Variants in SBF2 observed in about 807,000 individuals in gnomAD.
SBF2 encodes myotubularin-related protein 13.
SBF2 carries 112 observed loss-of-function variants against 225.2 expected under a neutral mutation model. The ratio of observed to expected loss-of-function variants is 0.50; its 90% CI spans 0.43 to 0.58. The LOEUF is 0.58. Ranked by LOEUF, SBF2 falls within the 20% of genes least tolerant of loss-of-function variation. The probability of loss-of-function intolerance (pLI) is 0.00; values close to 1 mark genes in which losing one functional copy is unlikely to be tolerated. For synonymous variants in SBF2, 763 were observed against 773.3 expected (o/e 0.99, Z 0.22); for missense variants, 1,996 against 2,206.2 (o/e 0.90, Z 1.91).
chr11:9,789,591 T>A (rs1852608091), intron 34 of SBF2, among the ~76,000 whole-genome samples: 1 of 152,222 alleles, frequency 6.6e-6, no homozygotes, highest in Admixed American at 6.5e-5. Flanking sequence ...CAATAGAGAA[T>A]TCTTGGATTC....
At chr11:10,065,925 C>A (rs1026307064) in intron 2 of SBF2, among the ~76,000 whole-genome samples, 13 of 152,120 alleles carry the variant, frequency 8.5e-5, no homozygotes, top group Admixed American at 5.2e-4. Context: ...CCAGCCTGGG[C>A]AAGAAGAACA....
intron 2 of SBF2, among the ~76,000 whole-genome samples, chr11:10,144,190 TA>T (rs1484643248): frequency 6.6e-6 from 1 of 152,110 alleles, no homozygotes; most frequent in Non-Finnish European, 1.5e-5. Context: ...TATTTAGAAA[TA>T]AAAATTACAT....
intron 16 of SBF2, among the ~76,000 whole-genome samples, chr11:9,950,283 C>T (rs66922162): frequency 0.37 from 56,680 of 151,908 alleles, 11,427 homozygotes; most frequent in Middle Eastern, 0.5. Context: ...TGTTTGATGG[C>T]ACACTGTATG....
chr11:9,835,807 T>C (rs1855702297), intron 26 of SBF2, among the ~76,000 whole-genome samples: 1 of 152,162 alleles, frequency 6.6e-6, no homozygotes, highest in Non-Finnish European at 1.5e-5. Context: ...GTGTAGTTTG[T>C]TCATTTTCAT....
chr11:9,871,469 G>C (rs1024041907), intron 17 of SBF2, among the ~76,000 whole-genome samples: 1 of 60,436 alleles, frequency 1.7e-5, no homozygotes, highest in African/African-American at 5.3e-5. Flanking sequence ...ACAGGATGAC[G>C]CTTATTATTA....
chr11:10,006,883 A>G (rs1948218772), intron 6 of SBF2, among the ~76,000 whole-genome samples: 1 of 152,220 alleles, frequency 6.6e-6, no homozygotes, highest in African/African-American at 2.4e-5. Flanking sequence ...GGAAATGGGA[A>G]TCTGAGAAAA....
Position 9,873,813 on chromosome 11 carries a change from C to T in SBF2, c.1930-15417G>A, listed in dbSNP as rs187982814. The stretch of plus-strand genomic sequence containing the variant: ...CCTGTAATCCCAGCACTTTGGGAGG[C>T]CGAGGCGGGTGGATCACCTGAGGTC... On this transcript the variant is annotated intron_variant, in intron 17 of 39. Transcript: ENST00000256190. Among the ~76,000 whole-genome samples the T allele has an allele frequency of 2.3e-4, 35 of 152,306 alleles. No homozygotes were observed. The East Asian group carries it at 4.2e-3, about 18-fold the overall frequency.
chr11:10,300,482 A>G (rs187759281), intron 1 of SBF2, among the ~76,000 whole-genome samples: 26 of 152,072 alleles, frequency 1.7e-4, no homozygotes, highest in African/African-American at 6.0e-4. Flanking sequence ...CGTGGGCAAC[A>G]TGATGAAACC....
chr11:9,959,627 C>T, intron 16 of SBF2: 1 of 757,872 alleles, frequency 1.3e-6, no homozygotes, highest in South Asian at 1.4e-5. Context: ...CAAAATTCTA[C>T]TCAGGTAACT....
rs193063842 is a variant in SBF2 at position 9,933,450 on chromosome 11, A to G, written c.1860+28507T>C. Among the ~76,000 whole-genome samples, 9 of 152,320 alleles carry G rather than the reference A, an allele frequency of 5.9e-5. No individual in the cohort carries two copies. The East Asian group carries it at 1.7e-3, about 29-fold the overall frequency. ...CAAATGTAAAAGAACAGAAATCACA[A>G]CAAACTGTGTCTCAGACCACAGTGC... On this transcript the variant is annotated intron_variant, in intron 16 of 39. Coordinates refer to ENST00000256190, the MANE Select transcript of SBF2 (RefSeq NM_030962.4).
chr11:10,112,176 A>C (rs753013545), intron 2 of SBF2, among the ~76,000 whole-genome samples: 1 of 152,234 alleles, frequency 6.6e-6, no homozygotes, highest in Non-Finnish European at 1.5e-5. Flanking sequence ...AACTCTTGAA[A>C]GCAAAAGAAC....
intron 16 of SBF2, among the ~76,000 whole-genome samples, chr11:9,936,259 T>A (rs1864889859): frequency 6.6e-6 from 1 of 152,148 alleles, no homozygotes; most frequent in Non-Finnish European, 1.5e-5. Context: ...TGAGATACCA[T>A]CTCACACCAG....
At chr11:9,940,563 A>T (rs938464290) in intron 16 of SBF2, among the ~76,000 whole-genome samples, 7 of 152,254 alleles carry the variant, frequency 4.6e-5, no homozygotes, top group Non-Finnish European at 1.0e-4. Flanking sequence ...AAATAAAAAT[A>T]TTACTATTTT....
chr11:10,153,287 T>A (rs1046072441), intron 2 of SBF2, among the ~76,000 whole-genome samples: 2 of 152,122 alleles, frequency 1.3e-5, no homozygotes, highest in Non-Finnish European at 2.9e-5. Flanking sequence ...TGGACCATAT[T>A]TGGGGCCACA....
intron 1 of SBF2, among the ~76,000 whole-genome samples, chr11:10,282,246 G>C (rs189273561): frequency 6.6e-5 from 10 of 152,038 alleles, no homozygotes; most frequent in African/African-American, 2.4e-4. Flanking sequence ...CAATACCTCT[G>C]ACTACTCCTA....
At chr11:10,148,217 CAGG>C (rs1954976415) in intron 2 of SBF2, among the ~76,000 whole-genome samples, 1 of 152,048 alleles carries the variant, frequency 6.6e-6, no homozygotes. Context: ...TGGCGGTGAG[CAGG>C]AGTATCGCAG....
chr11:9,870,770 T>C lies in SBF2; in HGVS notation c.1930-12374A>G, dbSNP rs536225591. The stretch of plus-strand genomic sequence containing the variant: ...GTGGGTGGAGCACAAAGTCAGGAGA[T>C]TGAGACTATCCTGGCCAACATGGTG... On this transcript the variant is annotated intron_variant, in intron 17 of 39. Transcript: ENST00000256190. Among the ~76,000 whole-genome samples, 22 of 152,030 alleles carry C rather than the reference T, an allele frequency of 1.4e-4. No homozygotes were observed. The Middle Eastern group carries it at 0.01, about 71-fold the overall frequency.
intron 2 of SBF2, among the ~76,000 whole-genome samples, chr11:10,049,037 T>A (rs1949971820): frequency 6.6e-6 from 1 of 152,204 alleles, no homozygotes; most frequent in Non-Finnish European, 1.5e-5. Flanking sequence ...TACTCCTTCC[T>A]CTTCCAATGA....
chr11:10,116,207 A>G (rs1421022604), intron 2 of SBF2, among the ~76,000 whole-genome samples: 1 of 152,170 alleles, frequency 6.6e-6, no homozygotes, highest in African/African-American at 2.4e-5. Flanking sequence ...GTTTATCTGA[A>G]TATTACTTTG....
Sources: allele counts gnomAD v4.1 joint callset (sites outside exome capture counted in the v4.1 genomes callset), GRCh38; gene constraint gnomAD v4.1.1; transcripts MANE v1.5; gene names NCBI Gene and HGNC (gene_info 2026-07-23, HGNC 2026-07-21).